MYO9A: variants seen among roughly 807,000 people sequenced by gnomAD.
The protein encoded by MYO9A is myosin IXA.
MYO9A carries 103 observed loss-of-function variants against 293.3 expected under a neutral mutation model. That is an observed-to-expected ratio of 0.35 (90% CI 0.30 to 0.41). The LOEUF is 0.41. MYO9A is among the 10% of genes least tolerant of loss of function. The pLI is 1.00. For synonymous variants in MYO9A, 1,001 were observed against 1,035.7 expected, an observed-to-expected ratio of 0.97 and a Z score of 0.64; for missense variants, 2,685 against 3,033.0, an observed-to-expected ratio of 0.89 and a Z score of 2.69.
chr15:72,018,922 C>T, intron 6 of MYO9A, 117 bp downstream of exon 6: 1 of 762,696 alleles, frequency 1.3e-6, no homozygotes, highest in Admixed American at 2.1e-5. Flanking sequence ...ATTTATCTTC[C>T]TTCCTAGGAT....
intron 18 of MYO9A, among the ~76,000 whole-genome samples, chr15:71,925,188 TGTATATATACACATATATAC>T (rs2058263456): frequency 6.3e-4 from 2 of 3,160 alleles, no homozygotes; most frequent in Non-Finnish European, 3.0e-3. Context: ...TATATACATG[TGTATATATACACATATATAC>T]ATGTGTATAT....
chr15:71,968,244 A>G (rs1274660408), intron 12 of MYO9A, 119 bp from the exon 13 acceptor site: 9 of 809,408 alleles, frequency 1.1e-5, no homozygotes, highest in Non-Finnish European at 1.6e-5. Flanking sequence ...GCAGTTTACA[A>G]AAGTTTTCAC....
At chr15:72,107,185 C>T (rs2080599372) in intron 1 of MYO9A, among the ~76,000 whole-genome samples, 1 of 152,124 alleles carries the variant, frequency 6.6e-6, no homozygotes, top group Admixed American at 6.6e-5. Context: ...GCTTTTTACT[C>T]CCTCCTGTCA....
rs536589583 is a variant in MYO9A, at chr15:71,871,699, AAAG to A, written c.5979+4089_5979+4091del. 1.7e-4 allele frequency among the ~76,000 whole-genome samples: 26 copies of A among 151,578 alleles called. No individual in the cohort carries two copies. The South Asian group carries it at 5.4e-3, about 32-fold the overall frequency. On this transcript the variant is annotated intron_variant, in intron 32 of 41. Transcript: ENST00000356056. Reference sequence around the variant, plus strand: ...ACCCTGTCTCAAAAAGAAAAAAAAAAAAGAAAGAAAGAAGAAAGTAAAAAAAAA... The same window carrying A: ...ACCCTGTCTCAAAAAGAAAAAAAAAAAAAGAAAGAAGAAAGTAAAAAAAAA...
chr15:71,860,237 C>A (rs1236582873), intron 33 of MYO9A, among the ~76,000 whole-genome samples: 1 of 152,132 alleles, frequency 6.6e-6, no homozygotes, highest in Non-Finnish European at 1.5e-5. Context: ...TGTCAAAGAT[C>A]CCTCCTGAAA....
Position 71,894,199 on chromosome 15 carries a change from T to C in MYO9A, c.5043-421A>G, listed in dbSNP as rs1389344164. ...CAGGGATGAGGATCTCATTATATTTTATACTGAGATGGTTCTTATTGGTTA... is the reference window on the plus strand; with the variant it reads ...CAGGGATGAGGATCTCATTATATTTCATACTGAGATGGTTCTTATTGGTTA... On this transcript the variant is annotated intron_variant, in intron 25 of 41. Transcript: ENST00000356056. Among the ~76,000 whole-genome samples the C allele has an allele frequency of 2.0e-5, 3 of 152,206 alleles. 1 individual carries two copies. The highest frequency in any genetic ancestry group is 2.0e-4 in the Admixed American group (3 of 15,276).
At chr15:71,893,865 A>G (rs776910481) in intron 25 of MYO9A, 87 bp from the exon 26 acceptor site, 26 of 1,008,236 alleles carry the variant, frequency 2.6e-5, no homozygotes, top group Non-Finnish European at 3.7e-5. Context: ...AATTCCATAA[A>G]TATTTTCAGA....
intron 6 of MYO9A, among the ~76,000 whole-genome samples, chr15:72,015,690 T>G (rs932621008): frequency 2.0e-5 from 3 of 147,868 alleles, no homozygotes; most frequent in South Asian, 2.3e-4. Flanking sequence ...CAGGTTTTTT[T>G]TTTTTTTTTT....
chr15:72,080,001 G>C (rs1400666161), intron 1 of MYO9A, among the ~76,000 whole-genome samples: 2 of 152,072 alleles, frequency 1.3e-5, no homozygotes, highest in Non-Finnish European at 2.9e-5. Context: ...GATTGATCAG[G>C]CAAGGAACAA....
rs574608232 is a variant in MYO9A, at chr15:71,907,046, A to T, written c.2686-2040T>A. On this transcript the variant is annotated intron_variant, in intron 19 of 41. Transcript: ENST00000356056. The stretch of plus-strand genomic sequence containing the variant: ...ACATGCTGGTGCGCTGCCCCCACTA[A>T]CTCGTCATCTAGCATTAGGTATATC... 5.4e-3 allele frequency among the ~76,000 whole-genome samples: 787 copies of T among 145,150 alleles called. 11 individuals are homozygous for T. Among genetic ancestry groups the T allele is most frequent in the African/African-American group, 0.019 (745 of 38,808 alleles).
chr15:71,975,682 C>T (rs1279225178), intron 12 of MYO9A, among the ~76,000 whole-genome samples: 1 of 152,048 alleles, frequency 6.6e-6, no homozygotes, highest in African/African-American at 2.4e-5. Context: ...GGTCCTGCCC[C>T]ATACTCTGAA....
At chr15:72,076,080 G>C (rs2079341958) in intron 1 of MYO9A, among the ~76,000 whole-genome samples, 1 of 152,114 alleles carries the variant, frequency 6.6e-6, no homozygotes. Context: ...AAGGTGGGCA[G>C]ATCACTTGAG....
chr15:72,023,764 A>C (rs2077577655), intron 4 of MYO9A, among the ~76,000 whole-genome samples: 1 of 152,018 alleles, frequency 6.6e-6, no homozygotes, highest in Non-Finnish European at 1.5e-5. Context: ...AGAAAAAAGA[A>C]AGGGACATAA....
intron 18 of MYO9A, among the ~76,000 whole-genome samples, chr15:71,917,222 C>T (rs930516989): frequency 3.3e-5 from 5 of 152,134 alleles, no homozygotes; most frequent in Admixed American, 1.3e-4. Context: ...GGGCGACAGT[C>T]GGTGTGCCAG....
chr15:72,111,562 C>T (rs886942653), intron 1 of MYO9A, among the ~76,000 whole-genome samples: 25 of 151,526 alleles, frequency 1.6e-4, no homozygotes, highest in Admixed American at 1.6e-3. Context: ...TACTGAGTAC[C>T]TACTATATGC....
chr15:72,118,340 C>T (rs1229443607), upstream of MYO9A: 6 of 191,266 alleles, frequency 3.1e-5, no homozygotes, highest in African/African-American at 4.7e-5. Flanking sequence ...TTTAGATTCT[C>T]CCTGTACTGG....
intron 17 of MYO9A, 26 bp downstream of exon 17, chr15:71,935,315 A>T: frequency 6.6e-7 from 1 of 1,525,434 alleles, no homozygotes; most frequent in Non-Finnish European, 8.8e-7. Context: ...AACAAAAAAC[A>T]ATTTACATTA....
In MYO9A at chr15:71,859,801, A is replaced by G. The variant is rs761339270; in HGVS notation, c.6092-5T>C. 9 of 1,612,450 alleles carry G rather than the reference A, an allele frequency of 5.6e-6. No homozygotes were observed. In the South Asian group the frequency reaches 9.9e-5, roughly 18 times the overall value. ...TATGGCAAGCATACTTGCATACTGA[A>G]AAATAGGTGAGGAATGCAACATTTT... On this transcript the variant is annotated splice_polypyrimidine_tract_variant and splice_region_variant and intron_variant, in intron 33 of 41. Transcript: ENST00000356056.
chr15:72,057,050 T>A (rs1265136821), intron 1 of MYO9A, among the ~76,000 whole-genome samples: 1 of 151,814 alleles, frequency 6.6e-6, no homozygotes, highest in African/African-American at 2.4e-5. Flanking sequence ...GAGGTTGCAG[T>A]GAGCCGAGAT....
Sources: allele counts gnomAD v4.1 joint callset (sites outside exome capture counted in the v4.1 genomes callset), GRCh38; gene constraint gnomAD v4.1.1; transcripts MANE v1.5; gene names NCBI Gene and HGNC (gene_info 2026-07-23, HGNC 2026-07-21).